CCNF: variants seen among roughly 807,000 people sequenced by gnomAD.
The protein encoded by CCNF is cyclin F, also known as cyclin-F.
In CCNF, 30 loss-of-function variants were observed where a neutral mutation model predicts 85.4. The observed-to-expected ratio is 0.35, with a 90% CI of 0.26 to 0.48. The LOEUF (loss-of-function observed/expected upper bound fraction) is 0.48, where lower values mean the gene tolerates loss of function less well. CCNF is among the 20% of genes least tolerant of loss of function. CCNF has a pLI of 0.99. For synonymous variants in CCNF, 439 were observed against 425.1 expected (o/e 1.03, Z -0.40); for missense variants, 919 against 1,010.4 (o/e 0.91, Z 1.23).
At chr16:2,435,763 G>A in intron 3 of CCNF, 43 bp from the exon 4 acceptor site, 1 of 1,491,452 alleles carries the variant, frequency 6.7e-7, no homozygotes, top group Non-Finnish European at 9.3e-7. Context: ...CATAACGTTT[G>A]TGGCATAAAA....
At chr16:2,433,601 T>C (rs921942375) in intron 3 of CCNF, among the ~76,000 whole-genome samples, 5 of 152,186 alleles carry the variant, frequency 3.3e-5, no homozygotes, top group African/African-American at 1.2e-4. Flanking sequence ...TTTTGTTTTT[T>C]TCTTGAGACG....
chr16:2,438,546 C>T (rs2065304000), intron 6 of CCNF, among the ~76,000 whole-genome samples: 1 of 150,474 alleles, frequency 6.6e-6, no homozygotes, highest in Admixed American at 6.6e-5. Flanking sequence ...GAGGCTGAGG[C>T]AGGGAGAATT....
rs747998802 is a variant in CCNF, at chr16:2,439,341, GATTT to G, written c.595-8_595-5del. 1.0e-5 allele frequency: 16 copies of G among 1,581,714 alleles called. No homozygotes were observed. In the African/African-American group the frequency reaches 2.0e-4, roughly 20 times the overall value. On this transcript the variant is annotated splice_region_variant and splice_polypyrimidine_tract_variant and intron_variant, in intron 6 of 16. Coordinates refer to ENST00000397066, the MANE Select transcript of CCNF (RefSeq NM_001761.3). ...ATAAGGGAACAATGAACTCTGCTGG[GATTT>G]ATTCTAGGATGAGGAGAAGCAGCAG...
intron 8 of CCNF, among the ~76,000 whole-genome samples, chr16:2,440,743 C>T (rs2065316787): frequency 6.6e-6 from 1 of 152,104 alleles, no homozygotes; most frequent in African/African-American, 2.4e-5. Context: ...AATGGCCCAG[C>T]CCGAGGTGTC....
chr16:2,437,774 C>A, intron 5 of CCNF: 1 of 418,864 alleles, frequency 2.4e-6, no homozygotes, highest in Non-Finnish European at 4.4e-6. Context: ...TGGTGCATAC[C>A]TATAGTCCCA....
chr16:2,443,044 ATTATG>A (rs1262315005), intron 8 of CCNF, among the ~76,000 whole-genome samples: 2 of 119,972 alleles, frequency 1.7e-5, no homozygotes, highest in Non-Finnish European at 3.2e-5. Context: ...ATAATATAAT[ATTATG>A]TTATAATATC....
chr16:2,437,391 G>A, intron 5 of CCNF, 69 bp downstream of exon 5: 1 of 1,264,912 alleles, frequency 7.9e-7, no homozygotes, highest in African/African-American at 1.5e-5. Flanking sequence ...AAGACCCCGA[G>A]GGTAGATCCT....
Position 2,439,450 on chromosome 16 carries a change from G to A in CCNF, c.692G>A (p.Arg231Lys), listed in dbSNP as rs764898739. The change falls in exon 7 of 17, where the codon AGG becomes AAG. Residue 231 changes from arginine to lysine, a missense_variant. This residue lies in a region of CCNF where 410 missense variants were observed against 478.6 expected (regional missense o/e 0.86). Coordinates refer to ENST00000397066, the MANE Select transcript of CCNF (RefSeq NM_001761.3). Reference protein sequence around the residue: ...SSYLLWESDRRTDVSDPGRCL... With the variant: ...SSYLLWESDRKTDVSDPGRCL... ...TACCTCCTCTGGGAAAGCGACAGGA[G>A]GACAGATGTGAGTGGTGCCTGCTCT... 2 of 1,607,310 alleles carry A rather than the reference G, an allele frequency of 1.2e-6. No homozygotes were observed. Among genetic ancestry groups the A allele is most frequent in the Non-Finnish European group, 1.7e-6 (2 of 1,176,204 alleles).
rs147350588 is a variant in CCNF, at chr16:2,435,664, CACATATATATATATATAT to C, written c.279-140_279-123del. 0.45 allele frequency: 74,608 copies of C among 165,286 alleles called. 19,104 individuals are homozygous for C. Among genetic ancestry groups the C allele is most frequent in the East Asian group, 0.62 (4,184 of 6,742 alleles). The allele number at this position is 165,286 out of a possible 1,614,324, so 10.2% of individuals were successfully genotyped here. The stretch of plus-strand genomic sequence containing the variant: ...ACACACATATATATATGCACACACA[CACATATATATATATATAT>C]ATATATATATATATATATATATTCA... On this transcript the variant is annotated intron_variant, in intron 3 of 16. Transcript: ENST00000397066.
In CCNF at chr16:2,451,227, C is replaced by A. The variant is rs530057836; in HGVS notation, c.1487+1312C>A. On this transcript the variant is annotated intron_variant, in intron 13 of 16. Transcript: ENST00000397066. The surrounding 1 kb of genome is among the most constrained non-coding windows in gnomAD (Gnocchi z 4.3). The stretch of plus-strand genomic sequence containing the variant: ...ACGAGAGAAACAGCAGGCAGGCGCG[C>A]GGGGCAGGTGGCGCGGGCGGGGGCG... Among the ~76,000 whole-genome samples, 1 of 152,194 alleles carries A rather than the reference C, an allele frequency of 6.6e-6. No homozygotes were observed. The highest frequency in any genetic ancestry group is 2.4e-5 in the African/African-American group (1 of 41,448).
chr16:2,444,198 C>T (rs546749900), intron 9 of CCNF, among the ~76,000 whole-genome samples: 3 of 151,968 alleles, frequency 2.0e-5, no homozygotes, highest in South Asian at 2.1e-4. Context: ...GGATTACAGG[C>T]GTGAGCCACC....
In CCNF at chr16:2,432,675, C is replaced by A. The variant is rs566746197; in HGVS notation, c.172-286C>A. Among the ~76,000 whole-genome samples, 4 of 152,272 alleles carry A rather than the reference C, an allele frequency of 2.6e-5. No individual in the cohort carries two copies. In the South Asian group the frequency reaches 6.2e-4, roughly 24 times the overall value. On this transcript the variant is annotated intron_variant, in intron 2 of 16. Transcript: ENST00000397066. ...GTTTCCCCTGTCTTTGGGGGTGATA[C>A]CTTTGCAGGGATGTTGAACCCTCTT...
chr16:2,441,233 A>C (rs2065319560), intron 8 of CCNF, among the ~76,000 whole-genome samples: 1 of 148,500 alleles, frequency 6.7e-6, no homozygotes, highest in Non-Finnish European at 1.5e-5. Context: ...ACTCCATCTC[A>C]AAAAAAAAAA....
At chr16:2,431,443 C>T (rs905499821) in intron 2 of CCNF, among the ~76,000 whole-genome samples, 159 bp downstream of exon 2, 4 of 152,018 alleles carry the variant, frequency 2.6e-5, no homozygotes, top group East Asian at 3.9e-4. Context: ...TTTGGGAGGC[C>T]GAAGGGGGGT....
chr16:2,440,196 G>C (rs1318975069), intron 8 of CCNF, among the ~76,000 whole-genome samples: 1 of 152,178 alleles, frequency 6.6e-6, no homozygotes, highest in Non-Finnish European at 1.5e-5. Context: ...AGAGCAGAGG[G>C]GCGTGGAGAG....
In CCNF at chr16:2,437,167, C is replaced by G; in HGVS notation, c.385C>G (p.Leu129Val). Reference protein sequence around the residue: ...SDEARAEVNGLKASRFFSLAE... With the variant: ...SDEARAEVNGVKASRFFSLAE... ...TGAGGCCCGCGCAGAAGTGAATGGC[C>G]TGAAGGCCTCTCGCTTCTTCAGTCT... The change falls in exon 5 of 17, where the codon CTG (leucine) becomes GTG (valine). Residue 129 changes from leucine to valine, a missense_variant. Around this residue, in one of 3 missense-constraint regions of CCNF, gnomAD observed 410 missense variants for 478.6 expected, o/e 0.86. Transcript: ENST00000397066. 2 of 1,610,448 alleles carry G rather than the reference C, an allele frequency of 1.2e-6. No individual in the cohort carries two copies. The highest frequency in any genetic ancestry group is 1.7e-6 in the Non-Finnish European group (2 of 1,177,338).
At chr16:2,455,264 T>C (rs1008747429) in intron 15 of CCNF, 131 bp from the exon 16 acceptor site, 2 of 1,229,012 alleles carry the variant, frequency 1.6e-6, no homozygotes, top group Admixed American at 2.9e-5. Flanking sequence ...CGGCATCTTC[T>C]TCGTAGCAGA....
chr16:2,443,359 C>G (rs573590509), intron 8 of CCNF, among the ~76,000 whole-genome samples: 1 of 151,626 alleles, frequency 6.6e-6, no homozygotes, highest in African/African-American at 2.4e-5. Flanking sequence ...TGGCCAGAGA[C>G]TTAACACAGC....
At chr16:2,442,921 TAA>T (rs1432848172) in intron 8 of CCNF, among the ~76,000 whole-genome samples, 2 of 55,762 alleles carry the variant, frequency 3.6e-5, no homozygotes, top group Non-Finnish European at 5.6e-5. Context: ...AAATATATAT[TAA>T]TATATATGAT....
Sources: allele counts gnomAD v4.1 joint callset (sites outside exome capture counted in the v4.1 genomes callset), GRCh38; gene constraint gnomAD v4.1.1; regional missense constraint gnomAD v4.1.1; non-coding constraint Gnocchi (gnomAD v3.1); transcripts MANE v1.5; gene names NCBI Gene and HGNC (gene_info 2026-07-23, HGNC 2026-07-21).